Variants in SNAP23 observed in about 807,000 individuals in gnomAD.
SNAP23 encodes the protein synaptosomal-associated protein 23.
SNAP23 carries 11 observed loss-of-function variants against 29.0 expected under a neutral mutation model. That is an observed-to-expected ratio of 0.38 (90% CI 0.24 to 0.63). The LOEUF is 0.63. Among genes scored for constraint, SNAP23 ranks in the 20% least tolerant of loss-of-function variants. The pLI, the probability that SNAP23 is intolerant of heterozygous loss-of-function variation, is 0.58. For missense variants in SNAP23, 220 were observed against 253.9 expected, an observed-to-expected ratio of 0.87 and a Z score of 0.91; for synonymous variants, 60 against 82.9, an observed-to-expected ratio of 0.72 and a Z score of 1.50.
At chr15:42,525,367 CAA>C (rs1208171591) in intron 5 of SNAP23, among the ~76,000 whole-genome samples, 5 of 60,362 alleles carry the variant, frequency 8.3e-5, no homozygotes, top group Admixed American at 4.0e-4. Context: ...GACTCCGTCT[CAA>C]AAAAAAAAAA....
intron 5 of SNAP23, among the ~76,000 whole-genome samples, chr15:42,518,454 G>A (rs1199767068): frequency 7.7e-6 from 1 of 129,380 alleles, no homozygotes; most frequent in African/African-American, 3.0e-5. Context: ...TTTTTTTCTC[G>A]AGACAGGGTC....
intron 5 of SNAP23, among the ~76,000 whole-genome samples, chr15:42,525,141 G>A (rs2057487132): frequency 6.8e-6 from 1 of 146,222 alleles, no homozygotes; most frequent in Admixed American, 6.8e-5. Flanking sequence ...GCCGAGGCAG[G>A]CGGATCACGA....
intron 5 of SNAP23, among the ~76,000 whole-genome samples, chr15:42,527,732 C>T (rs2057517193): frequency 6.6e-6 from 1 of 151,928 alleles, no homozygotes; most frequent in Non-Finnish European, 1.5e-5. Flanking sequence ...GCGATCCACC[C>T]GCCTTGGCCT....
chr15:42,495,283 C>G (rs1420097305), upstream of SNAP23: 1 of 152,186 alleles, frequency 6.6e-6, no homozygotes, highest in Non-Finnish European at 1.5e-5. Context: ...TTTCTATGTG[C>G]TATGCACTGT....
chr15:42,521,135 T>A (rs149064347), intron 5 of SNAP23, among the ~76,000 whole-genome samples: 36 of 152,344 alleles, frequency 2.4e-4, no homozygotes, highest in African/African-American at 8.7e-4. Flanking sequence ...TAGTATTGGA[T>A]ATACAGTAGT....
At chr15:42,506,032 C>G (rs759371990) in intron 1 of SNAP23, among the ~76,000 whole-genome samples, 1 of 150,890 alleles carries the variant, frequency 6.6e-6, no homozygotes, top group Non-Finnish European at 1.5e-5. Context: ...TGCAACCACT[C>G]CCTCCCGGGT....
intron 1 of SNAP23, among the ~76,000 whole-genome samples, chr15:42,511,450 A>G (rs1272860664): frequency 6.6e-6 from 1 of 152,208 alleles, no homozygotes; most frequent in African/African-American, 2.4e-5. Context: ...TTCTTCACCT[A>G]CTGCTTTTCC....
rs1369113116 is a variant in SNAP23, at chr15:42,531,470, G to A, written c.628G>A (p.Asp210Asn). 1 of 1,601,098 alleles carries A rather than the reference G, an allele frequency of 6.2e-7. No individual in the cohort carries two copies. Among genetic ancestry groups the A allele is most frequent in the Non-Finnish European group, 8.5e-7 (1 of 1,174,500 alleles). The change falls in exon 8 of 8, where the codon GAC becomes AAC. Residue 210 changes from aspartate (D) to asparagine (N), a missense_variant. By Grantham distance (23) the Asp-to-Asn change is conservative. Transcript: ENST00000249647. ...IANARAKKLI[D>N]S ...CAATGCCAGAGCAAAGAAACTCATT[G>A]ACAGCTAAAGCTACTGCTGTTCTTC...
chr15:42,497,154 C>G (rs1196991458), intron 1 of SNAP23, among the ~76,000 whole-genome samples: 1 of 149,628 alleles, frequency 6.7e-6, no homozygotes, highest in African/African-American at 2.5e-5. Context: ...TCTCCTCCCT[C>G]ACACTCCTGA....
chr15:42,529,287 T>C (rs2057538338), intron 6 of SNAP23, among the ~76,000 whole-genome samples: 1 of 152,210 alleles, frequency 6.6e-6, no homozygotes, highest in African/African-American at 2.4e-5. Context: ...TTAGATAGAC[T>C]TAACTGTGCA....
chr15:42,521,124 A>G (rs1450377087), intron 5 of SNAP23, among the ~76,000 whole-genome samples: 1 of 152,238 alleles, frequency 6.6e-6, no homozygotes, highest in African/African-American at 2.4e-5. Flanking sequence ...TATACCTCAC[A>G]TAGTATTGGA....
At chr15:42,529,282 T>A (rs1475474760) in intron 6 of SNAP23, among the ~76,000 whole-genome samples, 1 of 152,206 alleles carries the variant, frequency 6.6e-6, no homozygotes, top group Non-Finnish European at 1.5e-5. Flanking sequence ...CTTCTTTAGA[T>A]AGACTTAACT....
At chr15:42,491,901 T>TTAGTTAG (rs2057168801), upstream of SNAP23, among the ~76,000 whole-genome samples, 17 of 146,980 alleles carry the variant, frequency 1.2e-4, no homozygotes, top group African/African-American at 4.0e-4. Context: ...TATTTATTTA[T>TTAGTTAG]TTAGTTAGTT....
chr15:42,505,896 C>T (rs899687575), intron 1 of SNAP23, among the ~76,000 whole-genome samples: 5 of 150,448 alleles, frequency 3.3e-5, no homozygotes, highest in African/African-American at 1.2e-4. Context: ...TTCCTCCCTC[C>T]CTCCCTTCCA....
At chr15:42,501,139 G>C (rs2057266432) in intron 1 of SNAP23, among the ~76,000 whole-genome samples, 1 of 152,178 alleles carries the variant, frequency 6.6e-6, no homozygotes, top group African/African-American at 2.4e-5. Context: ...AGGAGTTCAA[G>C]ACCAACCTAG....
intron 5 of SNAP23, chr15:42,521,497 A>C: frequency 1.1e-5 from 15 of 1,381,568 alleles, no homozygotes; most frequent in Non-Finnish European, 1.4e-5. Context: ...AATTGAATGC[A>C]TTATGTTTTT....
rs747291075 is a variant in SNAP23 at position 42,528,339 on chromosome 15, T to A, written c.344T>A (p.Val115Glu). ...GGAGAAAACTCACCTTGCAATGTAG[T>A]ATCTAAACAGCCAGGCCCGGTGACA... is the stretch of plus-strand genomic sequence containing the variant. ...DGGENSPCNV[V>E]SKQPGPVTNG... The change falls in exon 6 of 8, where the codon GTA becomes GAA. Residue 115 changes from valine to glutamate, a missense_variant. Transcript: ENST00000249647. 14 of 1,614,132 alleles carry A rather than the reference T, an allele frequency of 8.7e-6. No individual in the cohort carries two copies. Among genetic ancestry groups the A allele is most frequent in the Non-Finnish European group, 1.1e-5 (13 of 1,180,006 alleles).
intron 1 of SNAP23, among the ~76,000 whole-genome samples, chr15:42,506,034 C>T (rs557452680): frequency 3.6e-4 from 54 of 151,854 alleles, no homozygotes; most frequent in Non-Finnish European, 5.9e-5. Context: ...CAACCACTCC[C>T]TCCCGGGTTC....
chr15:42,513,965 C>G (rs935103982), intron 4 of SNAP23, among the ~76,000 whole-genome samples: 1 of 151,308 alleles, frequency 6.6e-6, no homozygotes, highest in African/African-American at 2.4e-5. Context: ...TGGTGCCCAC[C>G]ACCACACCCG....
Sources: allele counts gnomAD v4.1 joint callset (sites outside exome capture counted in the v4.1 genomes callset), GRCh38; gene constraint gnomAD v4.1.1; transcripts MANE v1.5; gene names NCBI Gene and HGNC (gene_info 2026-07-23, HGNC 2026-07-21).